Variants in MTHFD1 observed in about 807,000 individuals in gnomAD.
The protein encoded by MTHFD1 is methylenetetrahydrofolate dehydrogenase, cyclohydrolase and formyltetrahydrofolate synthetase 1.
MTHFD1 carries 44 observed loss-of-function variants against 110.3 expected under a neutral mutation model. The ratio of observed to expected loss-of-function variants is 0.40; its 90% CI spans 0.31 to 0.51. The LOEUF (loss-of-function observed/expected upper bound fraction) is 0.51, where lower values mean the gene tolerates loss of function less well. MTHFD1 is among the 20% of genes least tolerant of loss of function. The pLI is 0.60. For missense variants in MTHFD1, 909 were observed against 1,173.1 expected (o/e 0.77, Z 3.29); for synonymous variants, 402 against 428.8 (o/e 0.94, Z 0.77).
intron 8 of MTHFD1, among the ~76,000 whole-genome samples, chr14:64,424,047 T>C (rs1199263839): frequency 6.6e-6 from 1 of 152,122 alleles, no homozygotes; most frequent in African/African-American, 2.4e-5. Context: ...TTCTTCTCAG[T>C]TGTGGCGATC....
At chr14:64,437,018 T>C (rs750060210) in intron 16 of MTHFD1, among the ~76,000 whole-genome samples, 2 of 152,216 alleles carry the variant, frequency 1.3e-5, no homozygotes, top group Non-Finnish European at 2.9e-5. Context: ...CTGATTGCTA[T>C]ATAAGACACT....
chr14:64,415,338 A>G lies in MTHFD1; in HGVS notation c.241-20A>G. ...TTGATTTCTGTGTGATATACAAATT[A>G]TATATGGTATTACTTTTAGGTGATG... On this transcript the variant is annotated intron_variant, in intron 4 of 27. Coordinates refer to ENST00000652337, the MANE Select transcript of MTHFD1 (RefSeq NM_005956.4). 6.3e-7 allele frequency: 1 copy of G among 1,596,118 alleles called. No homozygotes were observed. The highest frequency in any genetic ancestry group is 2.2e-5 in the East Asian group (1 of 44,788).
rs558074427 is a variant in MTHFD1, at chr14:64,396,386, A to G, written c.42-4407A>G. The stretch of plus-strand genomic sequence containing the variant: ...ATATTAAGTTTTTAAAAATTTTTTG[A>G]AGGTTTTTTTTTTTTTTTTTTTGAG... On this transcript the variant is annotated intron_variant, in intron 1 of 27. Coordinates refer to ENST00000652337, the MANE Select transcript of MTHFD1 (RefSeq NM_005956.4). 2.5e-4 allele frequency among the ~76,000 whole-genome samples: 32 copies of G among 125,784 alleles called. No individual in the cohort carries two copies. In the South Asian group the frequency reaches 8.5e-3, roughly 33 times the overall value. 82.5% of individuals were successfully genotyped at this position (125,784 alleles called of 152,430 possible). A position where few individuals can be genotyped will look rare whatever the true frequency, so the allele number is the denominator to read the frequency against.
At chr14:64,449,346 T>A in intron 23 of MTHFD1, 99 bp from the exon 24 acceptor site, 2 of 1,387,358 alleles carry the variant, frequency 1.4e-6, no homozygotes, top group Non-Finnish European at 1.0e-6. Flanking sequence ...AGTGTTCGTT[T>A]ATCAGTGGGT....
intron 16 of MTHFD1, 85 bp from the exon 17 acceptor site, chr14:64,439,011 C>T: frequency 1.1e-6 from 1 of 934,974 alleles, no homozygotes; most frequent in East Asian, 2.4e-5. Flanking sequence ...TGAAATTAGA[C>T]TTATTGCTTT....
intron 2 of MTHFD1, among the ~76,000 whole-genome samples, chr14:64,409,657 A>G (rs1003940109): frequency 6.6e-6 from 1 of 152,162 alleles, no homozygotes; most frequent in Non-Finnish European, 1.5e-5. Context: ...AGTCTAGGGA[A>G]GCCCCTACGA....
chr14:64,431,611 T>C lies in MTHFD1; in HGVS notation c.1391T>C (p.Ile464Thr), dbSNP rs1176970772. ...NLVAAAIDAR[I>T]FHELTQTDKA... ...GTTGCTGCGGCCATTGATGCTCGGA[T>C]ATTTCATGAACTGACCCAGACAGAC... Residue 464 changes from isoleucine (I) to threonine (T), a missense_variant, in exon 14 of 28, where the codon ATA (isoleucine) becomes ACA (threonine). Ile to Thr is a moderately conservative substitution (Grantham distance 89, BLOSUM62 -1). Transcript: ENST00000652337. 1 of 1,614,208 alleles carries C rather than the reference T, an allele frequency of 6.2e-7. No homozygotes were observed. The highest frequency in any genetic ancestry group is 2.2e-5 in the East Asian group (1 of 44,886).
intron 3 of MTHFD1, among the ~76,000 whole-genome samples, chr14:64,411,706 C>T (rs555734339): frequency 6.6e-6 from 1 of 152,216 alleles, no homozygotes; most frequent in South Asian, 2.1e-4. Context: ...TTTAGACCAG[C>T]CTAAGAAACA....
chr14:64,455,003 A>G, intron 26 of MTHFD1, 128 bp downstream of exon 26: 3 of 930,026 alleles, frequency 3.2e-6, no homozygotes, highest in African/African-American at 1.6e-5. Flanking sequence ...AATCGGGCCT[A>G]TTATGATTGC....
At chr14:64,398,342 T>A (rs986992548) in intron 1 of MTHFD1, among the ~76,000 whole-genome samples, 3 of 152,052 alleles carry the variant, frequency 2.0e-5, no homozygotes, top group African/African-American at 7.2e-5. Flanking sequence ...GCTCAGGAGT[T>A]CAAGATCAGC....
chr14:64,438,027 C>A (rs537299962), intron 16 of MTHFD1, among the ~76,000 whole-genome samples: 5 of 152,300 alleles, frequency 3.3e-5, no homozygotes, highest in African/African-American at 1.2e-4. Flanking sequence ...GCATGCACCA[C>A]CACACCCGGC....
intron 24 of MTHFD1, among the ~76,000 whole-genome samples, chr14:64,451,207 T>C (rs2078366404): frequency 6.6e-6 from 1 of 152,120 alleles, no homozygotes; most frequent in African/African-American, 2.4e-5. Flanking sequence ...TTTCTTGTAG[T>C]GACTGGGTCT....
At chr14:64,420,065 A>C in intron 8 of MTHFD1, 140 bp downstream of exon 8, 1 of 732,308 alleles carries the variant, frequency 1.4e-6, no homozygotes, top group Non-Finnish European at 2.5e-6. Flanking sequence ...CCAAGGGTGC[A>C]CAGAGTTAGT....
intron 1 of MTHFD1, among the ~76,000 whole-genome samples, chr14:64,391,141 A>G (rs2077800979): frequency 6.6e-6 from 1 of 152,030 alleles, no homozygotes; most frequent in African/African-American, 2.4e-5. Context: ...GAATTTCGTA[A>G]GCTTTTCTTT....
At chr14:64,427,294 C>T (rs1386374450) in intron 11 of MTHFD1, 43 bp from the exon 12 acceptor site, 3 of 1,609,882 alleles carry the variant, frequency 1.9e-6, no homozygotes, top group Non-Finnish European at 2.5e-6. Flanking sequence ...TTCAGATACA[C>T]TTAATTCTTT....
At chr14:64,413,230 T>G (rs1248399959) in intron 4 of MTHFD1, among the ~76,000 whole-genome samples, 2 of 152,044 alleles carry the variant, frequency 1.3e-5, no homozygotes, top group African/African-American at 4.8e-5. Context: ...CGCATGCCTG[T>G]AATCCCAGCT....
chr14:64,454,468 T>C (rs1435460744), intron 25 of MTHFD1, among the ~76,000 whole-genome samples: 2 of 152,186 alleles, frequency 1.3e-5, no homozygotes, highest in Non-Finnish European at 2.9e-5. Context: ...ATTAGTTTTA[T>C]GTTATTTCCA....
At chr14:64,437,101 TCTC>T (rs71123849) in intron 16 of MTHFD1, among the ~76,000 whole-genome samples, 25,627 of 152,086 alleles carry the variant, frequency 0.17, 2,271 homozygotes, top group Middle Eastern at 0.22. Context: ...TAAAAATGCT[TCTC>T]CTCCTTGACT....
chr14:64,430,266 C>A (rs757173084), intron 13 of MTHFD1, 36 bp downstream of exon 13: 1 of 1,598,554 alleles, frequency 6.3e-7, no homozygotes, highest in Non-Finnish European at 8.6e-7. Context: ...ATTAGATCCC[C>A]CTTTTTTTGT....
Sources: gnomAD v4.1 joint callset for allele counts (sites outside exome capture counted in the v4.1 genomes callset) on GRCh38, gnomAD v4.1.1 for gene constraint, MANE v1.5 for transcripts, NCBI Gene and HGNC (gene_info 2026-07-23, HGNC 2026-07-21) for gene names.